CASK: variants seen among roughly 807,000 people sequenced by gnomAD.
CASK encodes peripheral plasma membrane protein CASK.
Under a neutral mutation model 82.9 loss-of-function variants are expected in CASK, and 4 were observed. The observed-to-expected ratio is 0.05, with a 90% confidence interval of 0.02 to 0.11. CASK has a LOEUF of 0.11. Among genes scored for constraint, CASK ranks in the 10% least tolerant of loss-of-function variants. CASK has a pLI of 1.00. For missense variants in CASK, 358 were observed against 720.9 expected (o/e 0.50, Z 5.76); for synonymous variants, 259 against 253.5 (o/e 1.02, Z -0.20).
intron 10 of CASK, among the ~76,000 whole-genome samples, chrX:41,623,252 T>C (rs747037525): frequency 3.6e-5 from 4 of 111,993 alleles, no homozygotes; most frequent in Non-Finnish European, 7.5e-5. Flanking sequence ...AAATGCATAA[T>C]GTATGAATTT....
chrX:41,922,431 C>T (rs1367141073), intron 1 of CASK, among the ~76,000 whole-genome samples: 1 of 111,593 alleles, frequency 9.0e-6, no homozygotes, highest in Non-Finnish European at 1.9e-5. Context: ...ACTGAAAGCA[C>T]CCCGTCTTAA....
At chrX:41,605,860 G>A (rs2065952589) in intron 12 of CASK, among the ~76,000 whole-genome samples, 1 of 110,399 alleles carries the variant, frequency 9.1e-6, no homozygotes, top group Non-Finnish European at 1.9e-5. Flanking sequence ...TGTATTTTTA[G>A]TAAAGACAGG....
At chrX:41,895,156 C>T (rs1195388) in intron 1 of CASK, among the ~76,000 whole-genome samples, 1 of 109,745 alleles carries the variant, frequency 9.1e-6, no homozygotes, top group Non-Finnish European at 1.9e-5. Context: ...TTTGCACATT[C>T]ATTTGAATAG....
intron 5 of CASK, among the ~76,000 whole-genome samples, chrX:41,701,938 C>T (rs1302109936): frequency 5.3e-5 from 6 of 112,233 alleles, no homozygotes; most frequent in African/African-American, 1.9e-4. Context: ...CTGACATTGT[C>T]TCTGCTAATG....
At chrX:41,571,119 T>C (rs2065405972) in intron 15 of CASK, 1 of 112,263 alleles carries the variant, frequency 8.9e-6, no homozygotes, top group African/African-American at 3.2e-5. Flanking sequence ...TACTAGTCTA[T>C]AGTTTTCTTT....
intron 8 of CASK, among the ~76,000 whole-genome samples, chrX:41,653,778 C>G (rs1419144689): frequency 7.1e-5 from 8 of 112,467 alleles, no homozygotes; most frequent in Non-Finnish European, 1.5e-4. Flanking sequence ...GTGAGAATAA[C>G]TAATTTAGGG....
rs562343386 is a variant in CASK, at chrX:41,805,356, T to C, written c.173-18073A>G. On this transcript the variant is annotated intron_variant, in intron 2 of 26. Transcript: ENST00000378163. ...TCACTGTAGGAAATGCTTTAAGTAG[T>C]ACAGTAGGTGCTAGATTACCACATC... is the stretch of plus-strand genomic sequence containing the variant. 2.4e-4 allele frequency among the ~76,000 whole-genome samples: 27 copies of C among 111,987 alleles called. No homozygotes were observed. The South Asian group carries it at 7.2e-3, about 30-fold the overall frequency.
At chrX:41,561,244 G>A (rs1261498335) in intron 17 of CASK, among the ~76,000 whole-genome samples, 1 of 111,050 alleles carries the variant, frequency 9.0e-6, no homozygotes, top group African/African-American at 3.3e-5. Flanking sequence ...TGAGGTCAGT[G>A]AGAAACTAGT....
chrX:41,613,003 G>A (rs1374194102), intron 11 of CASK, among the ~76,000 whole-genome samples: 129 of 105,751 alleles, frequency 1.2e-3, no homozygotes, highest in African/African-American at 4.1e-3. Flanking sequence ...GTCCGGGAGG[G>A]AGGTGGGGGG....
chrX:41,629,036 T>C (rs997058681), intron 9 of CASK, among the ~76,000 whole-genome samples: 1 of 112,403 alleles, frequency 8.9e-6, no homozygotes, highest in Non-Finnish European at 1.9e-5. Flanking sequence ...CCTATACTAC[T>C]AGGAAAACAG....
At chrX:41,699,027 A>C (rs747315099) in intron 5 of CASK, among the ~76,000 whole-genome samples, 1 of 110,859 alleles carries the variant, frequency 9.0e-6, no homozygotes, top group East Asian at 2.8e-4. Context: ...CCCGGGTTCA[A>C]GTGATTCTCC....
intron 2 of CASK, among the ~76,000 whole-genome samples, chrX:41,841,981 T>C (rs1248522348): frequency 8.9e-6 from 1 of 112,091 alleles, no homozygotes; most frequent in East Asian, 2.8e-4. Flanking sequence ...TATGTTTTCT[T>C]TTAAAATTGC....
intron 17 of CASK, 124 bp from the exon 18 acceptor site, chrX:41,559,971 C>A: frequency 1.8e-6 from 1 of 554,248 alleles, no homozygotes; most frequent in South Asian, 2.6e-5. Flanking sequence ...AGCACATAGC[C>A]GGAAAATGAA....
chrX:41,618,904 G>A (rs1411028819), intron 11 of CASK, among the ~76,000 whole-genome samples: 1 of 100,876 alleles, frequency 9.9e-6, no homozygotes, highest in Admixed American at 1.1e-4. Flanking sequence ...TCGGCTCACT[G>A]CAAGCTCCGC....
intron 1 of CASK, among the ~76,000 whole-genome samples, chrX:41,855,484 G>C (rs1344803973): frequency 9.0e-6 from 1 of 111,620 alleles, no homozygotes; most frequent in Non-Finnish European, 1.9e-5. Context: ...AGCAGAAACT[G>C]ATAAAAAATT....
intron 1 of CASK, among the ~76,000 whole-genome samples, chrX:41,897,285 C>T (rs2072286080): frequency 1.8e-5 from 2 of 111,407 alleles, no homozygotes; most frequent in South Asian, 7.3e-4. Context: ...GTTCTTTCTA[C>T]ACCTAATTTC....
chrX:41,570,951 A>G (rs2065404069), intron 15 of CASK: 1 of 112,097 alleles, frequency 8.9e-6, no homozygotes, highest in South Asian at 3.7e-4. Flanking sequence ...ATGCATTTGT[A>G]TGTCATCCTT....
At chrX:41,605,669 G>T (rs1275357225) in intron 12 of CASK, among the ~76,000 whole-genome samples, 1 of 111,709 alleles carries the variant, frequency 9.0e-6, no homozygotes, top group African/African-American at 3.3e-5. Flanking sequence ...AACATGGGAA[G>T]AAAGAAAAAT....
chrX:41,544,304 C>T (rs1427303939), intron 21 of CASK, among the ~76,000 whole-genome samples: 20 of 111,596 alleles, frequency 1.8e-4, no homozygotes, highest in African/African-American at 5.5e-4. Context: ...CGATGGCTCA[C>T]GCCTGTAATC....
Sources: allele counts gnomAD v4.1 joint callset (sites outside exome capture counted in the v4.1 genomes callset), GRCh38; gene constraint gnomAD v4.1.1; transcripts MANE v1.5; gene names NCBI Gene and HGNC (gene_info 2026-07-23, HGNC 2026-07-21).